Variants in SSBP2 observed in about 807,000 individuals in gnomAD.
SSBP2 encodes the protein single stranded DNA binding protein 2, also known as single-stranded DNA-binding protein 2.
SSBP2 carries 17 observed loss-of-function variants against 61.8 expected under a neutral mutation model. The ratio of observed to expected loss-of-function variants is 0.28; its 90% CI spans 0.19 to 0.41. The LOEUF (loss-of-function observed/expected upper bound fraction) is 0.41. SSBP2 is among the 10% of genes least tolerant of loss of function. The probability of loss-of-function intolerance (pLI) is 1.00; values close to 1 mark genes in which losing one functional copy is unlikely to be tolerated. For missense variants in SSBP2, 310 were observed against 458.7 expected, an observed-to-expected ratio of 0.68 and a Z score of 2.96; for synonymous variants, 139 against 141.3, an observed-to-expected ratio of 0.98 and a Z score of 0.12.
At chr5:81,716,086 A>C (rs1305743198) in intron 1 of SSBP2, among the ~76,000 whole-genome samples, 1 of 152,060 alleles carries the variant, frequency 6.6e-6, no homozygotes, top group Non-Finnish European at 1.5e-5. Flanking sequence ...CAACAAAAAA[A>C]AAACAGGACA....
intron 1 of SSBP2, among the ~76,000 whole-genome samples, chr5:81,729,888 G>A (rs1756137857): frequency 6.6e-6 from 1 of 151,908 alleles, no homozygotes; most frequent in African/African-American, 2.4e-5. Context: ...ATATAGATAG[G>A]TCAAAATAAA....
intron 1 of SSBP2, among the ~76,000 whole-genome samples, chr5:81,709,898 A>G (rs1039228848): frequency 1.3e-5 from 2 of 152,020 alleles, no homozygotes; most frequent in Non-Finnish European, 2.9e-5. Flanking sequence ...GTCTTCCCTC[A>G]ATTCAATATT....
At chr5:81,545,100 T>A (rs1294800297) in intron 4 of SSBP2, among the ~76,000 whole-genome samples, 1 of 152,218 alleles carries the variant, frequency 6.6e-6, no homozygotes, top group African/African-American at 2.4e-5. Context: ...CTTTAACAAT[T>A]AATAAGTATA....
At chr5:81,597,451 G>A (rs1312354132) in intron 4 of SSBP2, among the ~76,000 whole-genome samples, 1 of 152,120 alleles carries the variant, frequency 6.6e-6, no homozygotes, top group Non-Finnish European at 1.5e-5. Flanking sequence ...TCAGTGTGAC[G>A]ATTCCTCAGG....
At chr5:81,659,575 AATGGCAAT>A (rs1451258096) in intron 1 of SSBP2, among the ~76,000 whole-genome samples, 1 of 152,220 alleles carries the variant, frequency 6.6e-6, no homozygotes, top group Non-Finnish European at 1.5e-5. Flanking sequence ...TTATCATGAA[AATGGCAAT>A]ACTGCCCTAA....
intron 5 of SSBP2, among the ~76,000 whole-genome samples, chr5:81,491,207 C>A (rs1402588025): frequency 2.0e-5 from 3 of 152,028 alleles, no homozygotes; most frequent in African/African-American, 7.2e-5. Context: ...ATGACATAGT[C>A]ATTAATTCAA....
At chr5:81,735,321 A>T (rs1332048625) in intron 1 of SSBP2, among the ~76,000 whole-genome samples, 1 of 152,212 alleles carries the variant, frequency 6.6e-6, no homozygotes, top group African/African-American at 2.4e-5. Context: ...CTTTTTTATT[A>T]CTTAAATTTT....
intron 3 of SSBP2, among the ~76,000 whole-genome samples, chr5:81,633,701 A>G (rs780942695): frequency 4.6e-5 from 7 of 152,142 alleles, no homozygotes; most frequent in African/African-American, 9.7e-5. Context: ...CATCAGACCC[A>G]TGTAACCAGA....
At chr5:81,611,157 TTTTA>T (rs1395591342) in intron 4 of SSBP2, among the ~76,000 whole-genome samples, 3 of 152,220 alleles carry the variant, frequency 2.0e-5, no homozygotes, top group Admixed American at 6.5e-5. Flanking sequence ...ATTGTGAGGC[TTTTA>T]TTTATTTAAA....
chr5:81,459,854 C>T (rs943249686), intron 10 of SSBP2, among the ~76,000 whole-genome samples: 11 of 152,114 alleles, frequency 7.2e-5, no homozygotes, highest in African/African-American at 2.7e-4. Flanking sequence ...TGTAAAGGTA[C>T]TCTATTCCAA....
intron 4 of SSBP2, among the ~76,000 whole-genome samples, chr5:81,551,603 ATTAC>A (rs1772194838): frequency 6.6e-6 from 1 of 152,144 alleles, no homozygotes; most frequent in South Asian, 2.1e-4. Flanking sequence ...AAAAGTATTT[ATTAC>A]TTATTTACTA....
intron 1 of SSBP2, among the ~76,000 whole-genome samples, chr5:81,745,940 A>C (rs1288415263): frequency 6.6e-6 from 1 of 152,094 alleles, no homozygotes; most frequent in Non-Finnish European, 1.5e-5. Flanking sequence ...ATAATTCTAG[A>C]AGTGATTAAA....
At chr5:81,532,988 A>G (rs929841164) in intron 4 of SSBP2, among the ~76,000 whole-genome samples, 4 of 151,946 alleles carry the variant, frequency 2.6e-5, no homozygotes, top group Non-Finnish European at 1.5e-5. Flanking sequence ...TAGACAGAAA[A>G]TTAGTGAGAA....
chr5:81,705,460 C>A (rs965615394), intron 1 of SSBP2, among the ~76,000 whole-genome samples: 6 of 152,188 alleles, frequency 3.9e-5, no homozygotes, highest in African/African-American at 1.4e-4. Context: ...TTATTCTACA[C>A]AATTTTCCAG....
upstream of SSBP2, chr5:81,751,240 G>T (rs938898489): frequency 1.7e-6 from 1 of 602,004 alleles, no homozygotes; most frequent in Non-Finnish European, 2.9e-6. Flanking sequence ...GAAGCGCGCG[G>T]TGGCGGCTAA....
intron 4 of SSBP2, among the ~76,000 whole-genome samples, chr5:81,595,055 C>T (rs1743569877): frequency 6.6e-6 from 1 of 152,058 alleles, no homozygotes; most frequent in East Asian, 1.9e-4. Context: ...AATCCAGGAG[C>T]TGGTTTTTTG....
At chr5:81,605,615 C>T (rs907007303) in intron 4 of SSBP2, among the ~76,000 whole-genome samples, 6 of 151,996 alleles carry the variant, frequency 3.9e-5, no homozygotes, top group Non-Finnish European at 5.9e-5. Context: ...GGGGAAAAAT[C>T]CTACTAGGAT....
chr5:81,730,724 A>G (rs776671531), intron 1 of SSBP2, among the ~76,000 whole-genome samples: 17 of 152,208 alleles, frequency 1.1e-4, no homozygotes, highest in South Asian at 2.1e-4. Context: ...AAGAAATACA[A>G]TCTGGTAGAA....
chr5:81,629,631 A>G (rs1328921835), intron 3 of SSBP2, among the ~76,000 whole-genome samples: 1 of 152,248 alleles, frequency 6.6e-6, no homozygotes, highest in African/African-American at 2.4e-5. Flanking sequence ...CTCCCAAGCT[A>G]AAGTGAGTAT....
Sources: allele counts gnomAD v4.1 joint callset (sites outside exome capture counted in the v4.1 genomes callset), GRCh38; gene constraint gnomAD v4.1.1; transcripts MANE v1.5; gene names NCBI Gene and HGNC (gene_info 2026-07-23, HGNC 2026-07-21).